The following MGAM2 variants were observed in gnomAD, a reference collection of about 807,000 sequenced individuals.
MGAM2 encodes probable maltase-glucoamylase 2.
In MGAM2, 98 loss-of-function variants were observed where a neutral mutation model predicts 96.1. That is an observed-to-expected ratio of 1.02 (90% CI 0.87 to 1.21). The LOEUF (loss-of-function observed/expected upper bound fraction) is 1.21, where lower values mean the gene tolerates loss of function less well. MGAM2 is among the 50% of genes most tolerant of loss of function. The pLI, the probability that MGAM2 is intolerant of heterozygous loss-of-function variation, is 0.00. For synonymous variants in MGAM2, 749 were observed against 414.8 expected, an observed-to-expected ratio of 1.81 and a Z score of -9.79; for missense variants, 2,055 against 1,182.4, an observed-to-expected ratio of 1.74 and a Z score of -10.82.
chr7:142,197,076 C>A (rs1193531962), intron 40 of MGAM2, among the ~76,000 whole-genome samples: 1 of 152,118 alleles, frequency 6.6e-6, no homozygotes, highest in Non-Finnish European at 1.5e-5. Flanking sequence ...GAAAGAAGAT[C>A]CCTTTGCTTT....
intron 46 of MGAM2, among the ~76,000 whole-genome samples, chr7:142,217,175 AC>A (rs1797789179): frequency 6.6e-6 from 1 of 152,152 alleles, no homozygotes; most frequent in African/African-American, 2.4e-5. Context: ...ATCATGTGCC[AC>A]CTCATAATTT....
At chr7:142,115,713 C>T (rs992705129) in intron 1 of MGAM2, among the ~76,000 whole-genome samples, 5 of 152,020 alleles carry the variant, frequency 3.3e-5, no homozygotes, top group Admixed American at 1.3e-4. Flanking sequence ...GGCATGGTGA[C>T]GCATGCCTGT....
intron 14 of MGAM2, among the ~76,000 whole-genome samples, chr7:142,145,785 G>A (rs998128497): frequency 6.6e-6 from 1 of 152,090 alleles, no homozygotes; most frequent in Non-Finnish European, 1.5e-5. Context: ...TTTATGCGCA[G>A]GCCTAGAAGG....
In MGAM2 at chr7:142,220,675, G is replaced by A. The variant is rs1797898950; in HGVS notation, c.6164G>A (p.Ser2055Asn). Residue 2055 changes from serine to asparagine, a missense_variant, in exon 48 of 48, where the codon AGT becomes AAT. Physicochemically the swap from Ser to Asn is conservative, Grantham distance 46 (BLOSUM62 1). Transcript: ENST00000477922. ...FPTSTTSTSTSATVPITTTPS... is the reference protein window; with the variant it reads ...FPTSTTSTSTNATVPITTTPS... ...ACAAGTACTACTAGTACTAGCACTA[G>A]TGCTACTGTTCCTATTACAACCACA... 1 of 701,970 alleles carries A rather than the reference G, an allele frequency of 1.4e-6. No homozygotes were observed. Among genetic ancestry groups the A allele is most frequent in the Admixed American group, 2.0e-5 (1 of 49,852 alleles). The allele number at this position is 701,970 out of a possible 1,614,324, so 43.5% of individuals were successfully genotyped here. A position where few individuals can be genotyped will look rare whatever the true frequency, so the allele number is the denominator to read the frequency against.
intron 29 of MGAM2, 67 bp downstream of exon 29, chr7:142,172,261 A>G (rs1182779476): frequency 4.7e-6 from 3 of 639,608 alleles, no homozygotes; most frequent in African/African-American, 1.8e-5. Context: ...TTGACCTGGT[A>G]TCAATAGAAA....
Position 142,172,185 on chromosome 7 carries a change from A to G in MGAM2, c.3439A>G (p.Asn1147Asp), listed in dbSNP as rs1291984642. Reference sequence around the variant, plus strand: ...CCATGGAGTGCTCCTGCTAAATAGCAATGCCATGGGTAAGGCATAGGCACA... The same window carrying G: ...CCATGGAGTGCTCCTGCTAAATAGCGATGCCATGGGTAAGGCATAGGCACA... The part of the protein sequence containing the change: ...SAHGVLLLNS[N>D]AMDVTLQPTP... Residue 1147 changes from asparagine (N) to aspartate (D), a missense_variant, in exon 29 of 48, where the codon AAT becomes GAT. Transcript: ENST00000477922. 1.4e-6 allele frequency: 1 copy of G among 716,708 alleles called. No individual in the cohort carries two copies. Among genetic ancestry groups the G allele is most frequent in the East Asian group, 2.6e-5 (1 of 37,968 alleles). The allele number at this position is 716,708 out of a possible 1,614,324, so 44.4% of individuals were successfully genotyped here.
chr7:142,204,464 T>A (rs1438104096), intron 45 of MGAM2, among the ~76,000 whole-genome samples: 1 of 152,032 alleles, frequency 6.6e-6, no homozygotes, highest in African/African-American at 2.4e-5. Flanking sequence ...GATAAGAAGC[T>A]CTAGGAGAGG....
chr7:142,160,090 A>G (rs1795844573), intron 20 of MGAM2, 44 bp from the exon 21 acceptor site: 1 of 673,840 alleles, frequency 1.5e-6, no homozygotes, highest in Admixed American at 2.2e-5. Flanking sequence ...CCTAGCTGAA[A>G]CAGCTTATTA....
At chr7:142,126,912 A>G (rs1794747455) in intron 3 of MGAM2, among the ~76,000 whole-genome samples, 1 of 152,220 alleles carries the variant, frequency 6.6e-6, no homozygotes, top group Non-Finnish European at 1.5e-5. Context: ...AAGAAGTCCC[A>G]AAATGCATAT....
intron 14 of MGAM2, among the ~76,000 whole-genome samples, chr7:142,146,142 G>GTTTTTTTTTTT (rs71166565): frequency 5.5e-5 from 6 of 108,966 alleles, no homozygotes; most frequent in Admixed American, 9.6e-5. Context: ...AGTTTATCAT[G>GTTTTTTTTTTT]TTTTTTTTTT....
chr7:142,196,783 AT>A lies in MGAM2; in HGVS notation c.4603del (p.Ser1535ProfsTer29). On this transcript the variant is annotated frameshift_variant, in exon 40 of 48. Transcript: ENST00000477922. LOFTEE classifies it high-confidence loss of function. ...RWMQLGAFYPFSRNHNNIGTR... is the reference protein window; with the variant it reads ...RWMQLGAFYPXSRNHNNIGTR... ...GGATGCAACTGGGGGCATTTTATCC[AT>A]TTTCCAGAAACCACAACAACATCGG... The A allele has an allele frequency of 1.3e-6, 1 of 784,238 alleles. No individual in the cohort carries two copies. Among genetic ancestry groups the A allele is most frequent in the Non-Finnish European group, 2.4e-6 (1 of 421,582 alleles). 48.6% of individuals were successfully genotyped at this position (784,238 alleles called of 1,614,324 possible). A position where few individuals can be genotyped will look rare whatever the true frequency, so the allele number is the denominator to read the frequency against.
intron 26 of MGAM2, 36 bp downstream of exon 26, chr7:142,167,522 G>T (rs185185593): frequency 7.1e-6 from 5 of 702,620 alleles, no homozygotes; most frequent in Admixed American, 6.0e-5. Context: ...TTCTCAAGAT[G>T]GAGTTTTTAA....
chr7:142,159,813 G>A (rs1795835828), intron 20 of MGAM2, among the ~76,000 whole-genome samples: 2 of 152,172 alleles, frequency 1.3e-5, no homozygotes, highest in African/African-American at 4.8e-5. Context: ...TTGAATAACT[G>A]GAGTAGGTTT....
intron 3 of MGAM2, among the ~76,000 whole-genome samples, chr7:142,123,744 T>A (rs923589673): frequency 1.1e-4 from 17 of 152,184 alleles, no homozygotes; most frequent in African/African-American, 4.1e-4. Context: ...TGGCGACTGT[T>A]GATGACAAAT....
intron 3 of MGAM2, among the ~76,000 whole-genome samples, 157 bp from the exon 4 acceptor site, chr7:142,130,791 G>A (rs765409977): frequency 3.3e-5 from 5 of 152,196 alleles, no homozygotes; most frequent in Non-Finnish European, 5.9e-5. Context: ...TGGACAGTTG[G>A]ATAGATTCAT....
intron 40 of MGAM2, among the ~76,000 whole-genome samples, 173 bp downstream of exon 40, chr7:142,196,989 A>G (rs1000705968): frequency 6.6e-6 from 1 of 152,202 alleles, no homozygotes; most frequent in Non-Finnish European, 1.5e-5. Flanking sequence ...TAATTTTTAG[A>G]AATATACCTT....
chr7:142,171,195 A>C, intron 27 of MGAM2, 77 bp from the exon 28 acceptor site: 1 of 699,542 alleles, frequency 1.4e-6, no homozygotes, highest in South Asian at 1.5e-5. Flanking sequence ...TTTGGAATCA[A>C]CTAGACATTC....
At position 142,114,153 on chromosome 7, in the gene MGAM2, GGAAAGAAAGAAAGAAAGAAAGAAA is replaced by G. The variant is rs772126693; in HGVS notation, c.-1+2385_-1+2408del. Among the ~76,000 whole-genome samples the G allele has an allele frequency of 2.0e-3, 176 of 87,060 alleles. 1 individual carries two copies. The highest frequency in any genetic ancestry group is 8.0e-3 in the African/African-American group (161 of 20,208). The allele number at this position is 87,060 out of a possible 152,430, so 57.1% of individuals were successfully genotyped here. On this transcript the variant is annotated intron_variant, in intron 1 of 47. Transcript: ENST00000477922. ...CTCAAAAAAAGAAAGAAAGAAAGAA[GGAAAGAAAGAAAGAAAGAAAGAAA>G]GAAAGAAAGAAAGAAAGAAAGAAAG... is the stretch of plus-strand genomic sequence containing the variant.
chr7:142,137,593 A>T, intron 9 of MGAM2, 48 bp downstream of exon 9: 1 of 620,024 alleles, frequency 1.6e-6, no homozygotes, highest in Non-Finnish European at 2.9e-6. Flanking sequence ...GTTATCTCAT[A>T]TACTCATTAT....
Sources: gnomAD v4.1 joint callset for allele counts (sites outside exome capture counted in the v4.1 genomes callset) on GRCh38, gnomAD v4.1.1 for gene constraint, MANE v1.5 for transcripts, NCBI Gene and HGNC (gene_info 2026-07-23, HGNC 2026-07-21) for gene names.